The following PRDM7 variants were observed in gnomAD, a reference collection of about 807,000 sequenced individuals.
PRDM7 encodes the protein PR/SET domain 7, also known as histone-lysine N-methyltransferase PRDM7.
PRDM7 carries 52 observed loss-of-function variants against 64.3 expected under a neutral mutation model. The observed-to-expected ratio is 0.81, with a 90% CI of 0.65 to 1.02. The LOEUF (loss-of-function observed/expected upper bound fraction) is 1.02. Among genes scored for constraint, PRDM7 ranks in the 50% least tolerant of loss-of-function variants. PRDM7 has a pLI of 0.00. For missense variants in PRDM7, 574 were observed against 597.1 expected (o/e 0.96, Z 0.40); for synonymous variants, 192 against 210.1 (o/e 0.91, Z 0.74).
chr16:90,067,232 C>T (rs1567878174), intron 4 of PRDM7, among the ~76,000 whole-genome samples: 1 of 151,174 alleles, frequency 6.6e-6, no homozygotes, highest in Admixed American at 6.6e-5. Context: ...TCCCAAAGTG[C>T]TGAGATTACA....
chr16:90,063,906 G>C (rs2037827140), intron 5 of PRDM7, 138 bp from the exon 6 acceptor site: 2 of 1,126,934 alleles, frequency 1.8e-6, no homozygotes, highest in African/African-American at 3.1e-5. Flanking sequence ...AGAGGGAAAA[G>C]ACAAGGTCTA....
chr16:90,059,518 T>G (rs1191995319), intron 10 of PRDM7, among the ~76,000 whole-genome samples: 2 of 152,236 alleles, frequency 1.3e-5, no homozygotes, highest in South Asian at 4.1e-4. Flanking sequence ...AAAGCTGAAC[T>G]CTTTCTGGCC....
chr16:90,057,927 ACT>A lies in PRDM7; in HGVS notation c.*360_*361del. 6.3e-7 allele frequency: 1 copy of A among 1,582,540 alleles called. No individual in the cohort carries two copies. The highest frequency in any genetic ancestry group is 8.6e-7 in the Non-Finnish European group (1 of 1,159,478). On this transcript the variant is annotated 3_prime_UTR_variant, in exon 11 of 11. Coordinates refer to ENST00000449207, the MANE Select transcript of PRDM7 (RefSeq NM_001098173.2). The stretch of plus-strand genomic sequence containing the variant: ...GACTTCCGGCTAAAGCCCCGCTCAC[ACT>A]CTCTGCAGACATAAGGCTTCTCCCC...
At position 90,056,708 on chromosome 16, in the gene PRDM7, G is replaced by A. The variant is rs2037690460; in HGVS notation, c.*1581C>T. The A allele has an allele frequency of 6.6e-6, 1 of 152,210 alleles. No homozygotes were observed. Among genetic ancestry groups the A allele is most frequent in the South Asian group, 2.1e-4 (1 of 4,834 alleles). The allele number at this position is 152,210 out of a possible 1,614,324, so 9.4% of individuals were successfully genotyped here. ...CCACGTGAGAGGGTCGTGATCGATT[G>A]AGCAAGCAGGGGGTAGGTGACAGGG... is the stretch of plus-strand genomic sequence containing the variant. On this transcript the variant is annotated 3_prime_UTR_variant, in exon 11 of 11. Coordinates refer to ENST00000449207, the MANE Select transcript of PRDM7 (RefSeq NM_001098173.2).
intron 4 of PRDM7, among the ~76,000 whole-genome samples, chr16:90,069,012 A>G (rs978983123): frequency 2.0e-5 from 3 of 151,344 alleles, no homozygotes; most frequent in Admixed American, 2.0e-4. Context: ...AAAAATATCC[A>G]AAAAATCATA....
At chr16:90,067,391 G>T (rs752448644) in intron 4 of PRDM7, among the ~76,000 whole-genome samples, 102 of 150,924 alleles carry the variant, frequency 6.8e-4, no homozygotes, top group Non-Finnish European at 1.1e-3. Flanking sequence ...TCTATTGGGG[G>T]CATTGCTAAT....
Position 90,058,505 on chromosome 16 carries a change from A to C in PRDM7, c.1263T>G (p.Pro421=). 4.3e-6 allele frequency: 7 copies of C among 1,614,194 alleles called. No individual in the cohort carries two copies. The highest frequency in any genetic ancestry group is 5.1e-6 in the Non-Finnish European group (6 of 1,180,032). The change falls in exon 11 of 11, where the codon CCT becomes CCG. Residue 421 remains proline (P), a synonymous_variant. Transcript: ENST00000449207. ...TGACTTGAAAAGGCCAGACAGCATGAGGGACATGGATGGATCTCTGGCTTT... is the reference window on the plus strand; with the variant it reads ...TGACTTGAAAAGGCCAGACAGCATGCGGGACATGGATGGATCTCTGGCTTT... The part of the protein sequence containing the change: ...ENQSQRSIHV[P]HAVWPFQVKN...
chr16:90,059,892 A>G (rs1034674140), intron 10 of PRDM7, among the ~76,000 whole-genome samples: 11 of 152,246 alleles, frequency 7.2e-5, no homozygotes, highest in African/African-American at 1.4e-4. Flanking sequence ...GATTGTCTTC[A>G]TCAGTCTGTA....
intron 5 of PRDM7, among the ~76,000 whole-genome samples, chr16:90,064,915 C>T (rs1227069272): frequency 1.3e-5 from 2 of 150,490 alleles, no homozygotes; most frequent in African/African-American, 2.5e-5. Context: ...GATGGGGTTT[C>T]ACCATGTTGG....
In PRDM7 at chr16:90,058,197, C is replaced by T. The variant is rs2037711632; in HGVS notation, c.*92G>A. 1.1e-5 allele frequency: 17 copies of T among 1,614,210 alleles called. No individual in the cohort carries two copies. The highest frequency in any genetic ancestry group is 2.7e-5 in the African/African-American group (2 of 75,060). ...TCTGGCCTGTTCTGGACTCTTCTTC[C>T]ATCATTCTTTCTCCCACTCTAGAGC... On this transcript the variant is annotated 3_prime_UTR_variant, in exon 11 of 11. Transcript: ENST00000449207.
At chr16:90,069,816 G>T (rs1237512100) in intron 4 of PRDM7, among the ~76,000 whole-genome samples, 1 of 151,102 alleles carries the variant, frequency 6.6e-6, no homozygotes, top group African/African-American at 2.5e-5. Flanking sequence ...CACTTTGGGA[G>T]GCCGAGGCAG....
intron 4 of PRDM7, chr16:90,070,036 C>T: frequency 6.9e-6 from 1 of 144,364 alleles, no homozygotes; most frequent in South Asian, 1.6e-4. Flanking sequence ...GCCGGGGTGA[C>T]AAGAGCGAAA....
At chr16:90,068,289 T>TA (rs1273978274) in intron 4 of PRDM7, among the ~76,000 whole-genome samples, 2 of 142,252 alleles carry the variant, frequency 1.4e-5, no homozygotes, top group African/African-American at 2.7e-5. Flanking sequence ...AAAAAATAAA[T>TA]AAAAATAAAA....
chr16:90,066,902 G>T lies in PRDM7; in HGVS notation c.310C>A (p.Pro104Thr). 4.4e-6 allele frequency: 7 copies of T among 1,597,562 alleles called. No individual in the cohort carries two copies. The highest frequency in any genetic ancestry group is 5.1e-6 in the Non-Finnish European group (6 of 1,167,418). ...TGTTCTCCTCTGAAGGCCATCCAAG[G>T]AGGTTTGACTAAGAGGTGATGAGAA... ...EWTPRQQVKP[P>T]WMAFRGEQSK... The change falls in exon 5 of 11, where the codon CCT becomes ACT. Residue 104 changes from proline (P) to threonine (T), a missense_variant. Pro to Thr is a conservative substitution (Grantham distance 38). Transcript: ENST00000449207.
rs1217685890 is a variant in PRDM7 at position 90,062,143 on chromosome 16, C to A, written c.660G>T (p.Gly220=). 3 of 1,614,240 alleles carry A rather than the reference C, an allele frequency of 1.9e-6. No individual in the cohort carries two copies. The highest frequency in any genetic ancestry group is 3.3e-5 in the Admixed American group (2 of 60,022). ...CACTGTCCTTTACAAATGTAGGGGGCCCATGAGCAGCACAGCTGTCAATGA... is the reference window on the plus strand; with the variant it reads ...CACTGTCCTTTACAAATGTAGGGGGACCATGAGCAGCACAGCTGTCAATGA... ...NFFIDSCAAH[G]PPTFVKDSAV... The change falls in exon 8 of 11, where the codon GGG becomes GGT. Residue 220 remains glycine (G), a synonymous_variant. Coordinates refer to ENST00000449207, the MANE Select transcript of PRDM7 (RefSeq NM_001098173.2).
intron 4 of PRDM7, among the ~76,000 whole-genome samples, chr16:90,073,631 C>T (rs917790245): frequency 6.6e-6 from 1 of 152,070 alleles, no homozygotes; most frequent in African/African-American, 2.4e-5. Context: ...GATCTCCTGA[C>T]CTCATGATTC....
rs1186972607 is a variant in PRDM7 at position 90,063,599 on chromosome 16, A to G, written c.508+13T>C. On this transcript the variant is annotated intron_variant, in intron 6 of 10. Transcript: ENST00000449207. ...ACATAGAGGGACTAAATTCCCCTCA[A>G]ATTTTTTCTTACCCAGTTTTAGTCT... 4.3e-6 allele frequency: 7 copies of G among 1,612,436 alleles called. No homozygotes were observed. Among genetic ancestry groups the G allele is most frequent in the Non-Finnish European group, 4.2e-6 (5 of 1,179,824 alleles).
intron 6 of PRDM7, 117 bp from the exon 7 acceptor site, chr16:90,062,619 AG>A: frequency 1.1e-6 from 1 of 929,534 alleles, no homozygotes; most frequent in East Asian, 2.4e-5. Context: ...TACATACTCT[AG>A]TCTCCCTCTG....
At chr16:90,060,206 A>G in intron 10 of PRDM7, 135 bp downstream of exon 10, 1 of 1,305,792 alleles carries the variant, frequency 7.7e-7, no homozygotes, top group Middle Eastern at 1.9e-4. Flanking sequence ...ATGAATCTTT[A>G]ATTTTGGAAG....
Sources: gnomAD v4.1 joint callset for allele counts (sites outside exome capture counted in the v4.1 genomes callset) on GRCh38, gnomAD v4.1.1 for gene constraint, MANE v1.5 for transcripts, NCBI Gene and HGNC (gene_info 2026-07-23, HGNC 2026-07-21) for gene names.